Variants in DDX24 observed in about 807,000 individuals in gnomAD.
DDX24 encodes DEAD-box helicase 24, also known as ATP-dependent RNA helicase DDX24.
DDX24 carries 24 observed loss-of-function variants against 68.9 expected under a neutral mutation model. The ratio of observed to expected loss-of-function variants is 0.35; its 90% CI spans 0.25 to 0.49. The LOEUF (loss-of-function observed/expected upper bound fraction) is 0.49, where lower values mean the gene tolerates loss of function less well. DDX24 is among the 20% of genes least tolerant of loss of function. The probability of loss-of-function intolerance (pLI) is 0.99; values close to 1 mark genes in which losing one functional copy is unlikely to be tolerated. For missense variants in DDX24, 989 were observed against 1,039.0 expected (o/e 0.95, Z 0.66); for synonymous variants, 395 against 385.2 (o/e 1.03, Z -0.30).
intron 1 of DDX24, among the ~76,000 whole-genome samples, chr14:94,080,351 G>C (rs1886045529): frequency 6.6e-6 from 1 of 152,170 alleles, no homozygotes; most frequent in Non-Finnish European, 1.5e-5. Context: ...ATTTTAAGTG[G>C]CTTAATGGCC....
intron 8 of DDX24, among the ~76,000 whole-genome samples, chr14:94,052,006 T>A (rs1468051434): frequency 6.6e-6 from 1 of 152,238 alleles, no homozygotes. Flanking sequence ...CCTCAGTCTG[T>A]CCTCAGGAAG....
rs1886003958 is a variant in DDX24, at chr14:94,079,152, C to G, written c.591G>C (p.Leu197=). 1 of 1,614,236 alleles carries G rather than the reference C, an allele frequency of 6.2e-7. No individual in the cohort carries two copies. Among genetic ancestry groups the G allele is most frequent in the African/African-American group, 1.3e-5 (1 of 75,062 alleles). ...QKADVSAWKD[L]FVPRPVLRAL... The stretch of plus-strand genomic sequence containing the variant: ...CTCGGAGAACCGGCCTGGGAACAAA[C>G]AGGTCCTTCCAAGCTGACACATCTG... Residue 197 remains leucine (L), a synonymous_variant, in exon 2 of 9, where the codon CTG becomes CTC. Coordinates refer to ENST00000621632, the MANE Select transcript of DDX24 (RefSeq NM_020414.4).
Position 94,050,488 on chromosome 14 carries a change from G to A in DDX24, c.*703C>T, listed in dbSNP as rs952899489. On this transcript the variant is annotated 3_prime_UTR_variant, in exon 9 of 9. Transcript: ENST00000621632. ...AAGGGGTGCATGGAACCGTGGGCAG[G>A]AGCCTGCTCTGTCAAACAGGAGGGA... is the stretch of plus-strand genomic sequence containing the variant. The A allele has an allele frequency of 1.3e-5, 2 of 152,418 alleles. No individual in the cohort carries two copies. Among genetic ancestry groups the A allele is most frequent in the Admixed American group, 6.5e-5 (1 of 15,286 alleles). The allele number at this position is 152,418 out of a possible 1,614,324, so 9.4% of individuals were successfully genotyped here.
chr14:94,060,706 A>G, intron 4 of DDX24, 93 bp from the exon 5 acceptor site: 1 of 1,477,080 alleles, frequency 6.8e-7, no homozygotes, highest in Non-Finnish European at 9.2e-7. Flanking sequence ...ACACACACAC[A>G]CACACACGTA....
At chr14:94,069,080 A>G (rs55723654) in intron 2 of DDX24, among the ~76,000 whole-genome samples, 75,471 of 151,930 alleles carry the variant, frequency 0.5, 19,595 homozygotes, top group African/African-American at 0.65. Context: ...ACAAAAAGCT[A>G]GTTCTTTGAA....
At chr14:94,067,747 T>C (rs1017996614) in intron 2 of DDX24, among the ~76,000 whole-genome samples, 1 of 152,142 alleles carries the variant, frequency 6.6e-6, no homozygotes, top group Non-Finnish European at 1.5e-5. Flanking sequence ...GCATCATATA[T>C]GAAGGAAAGA....
intron 2 of DDX24, among the ~76,000 whole-genome samples, chr14:94,064,825 G>C (rs1377606424): frequency 6.6e-6 from 1 of 152,222 alleles, no homozygotes; most frequent in Non-Finnish European, 1.5e-5. Flanking sequence ...CCAATTTGTA[G>C]CCAAGCTGAC....
At chr14:94,075,462 A>C (rs1885917470) in intron 2 of DDX24, among the ~76,000 whole-genome samples, 2 of 152,216 alleles carry the variant, frequency 1.3e-5, no homozygotes, top group African/African-American at 4.8e-5. Flanking sequence ...AAAACCCACA[A>C]ACTTTGATCC....
chr14:94,070,750 A>T (rs1885811510), intron 2 of DDX24, among the ~76,000 whole-genome samples: 1 of 152,200 alleles, frequency 6.6e-6, no homozygotes, highest in Admixed American at 6.5e-5. Flanking sequence ...ACAAAAACCT[A>T]AAGTGGGGAA....
intron 2 of DDX24, among the ~76,000 whole-genome samples, chr14:94,064,385 T>C (rs542174451): frequency 5.9e-5 from 9 of 152,316 alleles, no homozygotes; most frequent in African/African-American, 2.2e-4. Flanking sequence ...AAGAGCATCT[T>C]TTTGCATGTT....
chr14:94,068,620 G>A (rs1386786911), intron 2 of DDX24, among the ~76,000 whole-genome samples: 1 of 152,100 alleles, frequency 6.6e-6, no homozygotes, highest in South Asian at 2.1e-4. Context: ...GCCATAAAAT[G>A]AGCCTCAATA....
At chr14:94,054,888 C>T (rs953459456) in intron 7 of DDX24, 108 bp downstream of exon 7, 1 of 1,264,788 alleles carries the variant, frequency 7.9e-7, no homozygotes, top group Non-Finnish European at 1.1e-6. Context: ...GTTGGCAGAA[C>T]CATTCCTTAG....
chr14:94,076,508 C>T (rs1567062536), intron 2 of DDX24, among the ~76,000 whole-genome samples: 1 of 151,950 alleles, frequency 6.6e-6, no homozygotes, highest in Non-Finnish European at 1.5e-5. Context: ...TAGTGAAACC[C>T]CGTCTCTGCT....
chr14:94,077,301 C>G (rs28657608), intron 2 of DDX24, among the ~76,000 whole-genome samples: 4,734 of 152,278 alleles, frequency 0.031, 188 homozygotes, highest in East Asian at 0.097. Context: ...TTATCCAAGT[C>G]GTTTTGAATT....
intron 2 of DDX24, among the ~76,000 whole-genome samples, chr14:94,071,938 T>TC (rs1255827690): frequency 1.3e-5 from 2 of 151,288 alleles, no homozygotes; most frequent in Admixed American, 6.6e-5. Context: ...AGAGCGAAAC[T>TC]CCATCTCAAA....
rs1398498580 is a variant in DDX24, at chr14:94,048,469, C to G, written c.*2722G>C. The G allele has an allele frequency of 6.6e-6, 1 of 152,198 alleles. No homozygotes were observed. Among genetic ancestry groups the G allele is most frequent in the East Asian group, 1.9e-4 (1 of 5,206 alleles). The allele number at this position is 152,198 out of a possible 1,614,324, so 9.4% of individuals were successfully genotyped here. ...TCTAACTTCAGCATTCACTTACTAG[C>G]TGTATGATCTTGGCCAAGTCACTTC... On this transcript the variant is annotated 3_prime_UTR_variant, in exon 9 of 9. Coordinates refer to ENST00000621632, the MANE Select transcript of DDX24 (RefSeq NM_020414.4).
Position 94,051,163 on chromosome 14 carries a change from A to G in DDX24, c.*28T>C, listed in dbSNP as rs1335071833. On this transcript the variant is annotated 3_prime_UTR_variant, in exon 9 of 9. Coordinates refer to ENST00000621632, the MANE Select transcript of DDX24 (RefSeq NM_020414.4). ...GCAAATAGCCAGAGAACAGAAACCAATGTGCAGTCACTGACACACTTGACC... is the reference window on the plus strand; with the variant it reads ...GCAAATAGCCAGAGAACAGAAACCAGTGTGCAGTCACTGACACACTTGACC... The G allele has an allele frequency of 2.0e-6, 3 of 1,492,102 alleles. No individual in the cohort carries two copies. The highest frequency in any genetic ancestry group is 2.7e-6 in the Non-Finnish European group (3 of 1,125,096). 92.4% of individuals were successfully genotyped at this position (1,492,102 alleles called of 1,614,324 possible).
At chr14:94,076,080 A>G (rs1158059876) in intron 2 of DDX24, among the ~76,000 whole-genome samples, 4 of 152,260 alleles carry the variant, frequency 2.6e-5, no homozygotes, top group Non-Finnish European at 5.9e-5. Context: ...CATTTACCAC[A>G]AGACCTAGCC....
rs948527801 is a variant in DDX24 at position 94,081,173 on chromosome 14, C to G, written c.-60G>C. The G allele has an allele frequency of 6.6e-6, 1 of 152,324 alleles. No individual in the cohort carries two copies. The highest frequency in any genetic ancestry group is 1.5e-5 in the Non-Finnish European group (1 of 68,090). 9.4% of individuals were successfully genotyped at this position (152,324 alleles called of 1,614,324 possible). On this transcript the variant is annotated 5_prime_UTR_variant, in exon 1 of 9. Transcript: ENST00000621632. ...GTCGCGAGTGAAGAACCTCAGAAACCGCCGCTGTACCTCAGCTGCAGCAGC... is the reference window on the plus strand; with the variant it reads ...GTCGCGAGTGAAGAACCTCAGAAACGGCCGCTGTACCTCAGCTGCAGCAGC...
Sources: allele counts gnomAD v4.1 joint callset (sites outside exome capture counted in the v4.1 genomes callset), GRCh38; gene constraint gnomAD v4.1.1; transcripts MANE v1.5; gene names NCBI Gene and HGNC (gene_info 2026-07-23, HGNC 2026-07-21).